The following GRIP1 variants were observed in gnomAD, a reference collection of about 807,000 sequenced individuals.
GRIP1 encodes glutamate receptor-interacting protein 1.
Under a neutral mutation model 129.9 loss-of-function variants are expected in GRIP1, and 45 were observed. The observed-to-expected ratio is 0.35, with a 90% confidence interval of 0.27 to 0.44. The LOEUF (loss-of-function observed/expected upper bound fraction) is 0.44. Ranked by LOEUF, GRIP1 falls within the 20% of genes least tolerant of loss-of-function variation. The probability of loss-of-function intolerance (pLI) is 1.00; values close to 1 mark genes in which losing one functional copy is unlikely to be tolerated. For missense variants in GRIP1, 1,196 were observed against 1,396.8 expected (o/e 0.86, Z 2.29); for synonymous variants, 530 against 520.8 (o/e 1.02, Z -0.24).
intron 1 of GRIP1, among the ~76,000 whole-genome samples, chr12:66,787,470 G>A (rs1566022181): frequency 6.6e-6 from 1 of 152,102 alleles, no homozygotes; most frequent in Non-Finnish European, 1.5e-5. Context: ...CTTCCACTGT[G>A]CCCCCTCCCC....
chr12:66,747,632 T>G (rs558808747), intron 1 of GRIP1, among the ~76,000 whole-genome samples: 41 of 152,188 alleles, frequency 2.7e-4, no homozygotes, highest in Non-Finnish European at 4.7e-4. Context: ...GGATGAGGGA[T>G]AAGTCTGTAT....
At chr12:66,997,645 T>C (rs1016665204) in intron 1 of GRIP1, among the ~76,000 whole-genome samples, 1 of 152,134 alleles carries the variant, frequency 6.6e-6, no homozygotes, top group Non-Finnish European at 1.5e-5. Context: ...TCACAACTCC[T>C]GGCTATGAAT....
intron 1 of GRIP1, among the ~76,000 whole-genome samples, chr12:66,753,299 T>A (rs957939155): frequency 6.6e-6 from 1 of 151,612 alleles, no homozygotes. Context: ...GCTACGTATA[T>A]GAATCATAGA....
chr12:66,580,979 C>T (rs573067341), intron 2 of GRIP1, among the ~76,000 whole-genome samples: 2,325 of 152,276 alleles, frequency 0.015, 66 homozygotes, highest in African/African-American at 0.053. Context: ...CACACCACAG[C>T]TATTCCAAAA....
intron 1 of GRIP1, among the ~76,000 whole-genome samples, chr12:66,929,417 C>T (rs2041350248): frequency 6.6e-6 from 1 of 152,194 alleles, no homozygotes; most frequent in Admixed American, 6.5e-5. Context: ...ACCTTATGTA[C>T]ATATTCATTC....
intron 1 of GRIP1, among the ~76,000 whole-genome samples, chr12:66,829,363 C>T (rs942216086): frequency 6.6e-6 from 1 of 152,140 alleles, no homozygotes; most frequent in Non-Finnish European, 1.5e-5. Context: ...AAAGCCCCCA[C>T]AGGAAATGGG....
chr12:66,422,612 G>T (rs1188314790), intron 14 of GRIP1, among the ~76,000 whole-genome samples: 1 of 152,070 alleles, frequency 6.6e-6, no homozygotes, highest in African/African-American at 2.4e-5. Context: ...CACTGAAATG[G>T]TCTGTAAAAC....
chr12:66,815,820 ATTTC>A (rs1002005391), intron 1 of GRIP1, among the ~76,000 whole-genome samples: 22 of 118,628 alleles, frequency 1.9e-4, no homozygotes, highest in African/African-American at 8.2e-4. Flanking sequence ...AAGATGAAAG[ATTTC>A]TTTCTTTCTT....
In GRIP1 at chr12:66,746,327, A is replaced by T. The variant is rs141052148; in HGVS notation, c.-420+57726T>A. Among the ~76,000 whole-genome samples, 209 of 152,348 alleles carry T rather than the reference A, an allele frequency of 1.4e-3. 1 individual carries two copies. The East Asian group carries it at 0.036, about 26-fold the overall frequency. On this transcript the variant is annotated intron_variant, in intron 1 of 4. Coordinates refer to the GRIP1 transcript ENST00000538373. ...ATGGATACATTGCATATTTCATAGCATTGAAGCCTGAAAATGTGTTCACAG... is the reference window on the plus strand; with the variant it reads ...ATGGATACATTGCATATTTCATAGCTTTGAAGCCTGAAAATGTGTTCACAG...
intron 1 of GRIP1, among the ~76,000 whole-genome samples, chr12:66,793,700 G>C (rs2038612860): frequency 6.6e-6 from 1 of 152,174 alleles, no homozygotes; most frequent in Non-Finnish European, 1.5e-5. Context: ...TGAAGGCACA[G>C]TTGACTGGCA....
chr12:66,522,381 C>G (rs140362006), intron 5 of GRIP1, among the ~76,000 whole-genome samples: 7,227 of 152,212 alleles, frequency 0.047, 559 homozygotes, highest in African/African-American at 0.16. Flanking sequence ...GTTCTACAGC[C>G]ACCGCTGTTC....
chr12:66,417,371 A>G (rs981274050), intron 15 of GRIP1, among the ~76,000 whole-genome samples: 1 of 152,180 alleles, frequency 6.6e-6, no homozygotes. Context: ...CATTCCTCTA[A>G]GATCTGGTAC....
At chr12:66,826,320 G>C (rs564616712) in intron 1 of GRIP1, among the ~76,000 whole-genome samples, 1 of 152,208 alleles carries the variant, frequency 6.6e-6, no homozygotes, top group South Asian at 2.1e-4. Context: ...GGGGATAGGG[G>C]AGGGATAGCA....
chr12:66,567,678 CCT>C (rs545164686), intron 2 of GRIP1: 104 of 218,978 alleles, frequency 4.7e-4, no homozygotes, highest in Middle Eastern at 2.5e-3. Context: ...TGCATTTTCC[CCT>C]GTTGCATATT....
intron 1 of GRIP1, among the ~76,000 whole-genome samples, chr12:66,768,268 C>G (rs1048037713): frequency 1.2e-4 from 19 of 152,232 alleles, no homozygotes; most frequent in African/African-American, 3.9e-4. Flanking sequence ...ATGAACTTCA[C>G]TGAAATTAAT....
At chr12:66,951,406 CAA>C (rs1342881364) in intron 1 of GRIP1, among the ~76,000 whole-genome samples, 11 of 152,042 alleles carry the variant, frequency 7.2e-5, no homozygotes, top group Non-Finnish European at 1.6e-4. Context: ...TGGCAGGAGG[CAA>C]CAGGGCACAT....
intron 11 of GRIP1, 45 bp from the exon 12 acceptor site, chr12:66,445,553 AC>A: frequency 1.5e-6 from 2 of 1,361,218 alleles, no homozygotes; most frequent in Non-Finnish European, 2.1e-6. Flanking sequence ...TGGAGCAAGC[AC>A]CAGGAATACC....
intron 1 of GRIP1, among the ~76,000 whole-genome samples, chr12:66,876,059 T>C (rs1414262102): frequency 6.6e-6 from 1 of 152,042 alleles, no homozygotes; most frequent in Non-Finnish European, 1.5e-5. Flanking sequence ...ATTTCAACTG[T>C]TAGGCAATTT....
At chr12:66,860,996 G>A (rs1289960331) in intron 1 of GRIP1, among the ~76,000 whole-genome samples, 1 of 152,020 alleles carries the variant, frequency 6.6e-6, no homozygotes, top group African/African-American at 2.4e-5. Flanking sequence ...AAAGGGGAGG[G>A]CTACCCAGGA....
Sources: allele counts gnomAD v4.1 joint callset (sites outside exome capture counted in the v4.1 genomes callset), GRCh38; gene constraint gnomAD v4.1.1; transcripts MANE v1.5; gene names NCBI Gene and HGNC (gene_info 2026-07-23, HGNC 2026-07-21).